The following PRELID2 variants were observed in gnomAD, a reference collection of about 807,000 sequenced individuals.
PRELID2 encodes PRELI domain-containing protein 2.
PRELID2 carries 25 observed loss-of-function variants against 28.4 expected under a neutral mutation model. That is an observed-to-expected ratio of 0.88 (90% CI 0.64 to 1.23). The LOEUF is 1.23. PRELID2 is among the 50% of genes most tolerant of loss of function. PRELID2 has a pLI of 0.00. For synonymous variants in PRELID2, 76 were observed against 71.6 expected, an observed-to-expected ratio of 1.06 and a Z score of -0.31; for missense variants, 201 against 214.4, an observed-to-expected ratio of 0.94 and a Z score of 0.39.
At chr5:145,599,534 C>A (rs760340660) in intron 1 of PRELID2, among the ~76,000 whole-genome samples, 1 of 152,104 alleles carries the variant, frequency 6.6e-6, no homozygotes, top group Non-Finnish European at 1.5e-5. Context: ...CTCATGGTTA[C>A]CCCCTTTTCA....
At chr5:145,252,104 C>T in the PRELID2 span, among the ~76,000 whole-genome samples, 1 of 152,088 alleles carries the variant, frequency 6.6e-6, no homozygotes, top group Non-Finnish European at 1.5e-5. Context: ...CAAAATCTGG[C>T]CAGAAACATT....
the PRELID2 span, among the ~76,000 whole-genome samples, chr5:145,293,772 A>G: frequency 6.6e-6 from 1 of 152,216 alleles, no homozygotes; most frequent in South Asian, 2.1e-4. Flanking sequence ...ATAATAGTGA[A>G]GTTAGATCAA....
At chr5:145,408,438 CAT>C in the PRELID2 span, among the ~76,000 whole-genome samples, 10 of 141,942 alleles carry the variant, frequency 7.0e-5, no homozygotes, top group Non-Finnish European at 1.4e-4. Flanking sequence ...ATATGTATAA[CAT>C]ATATATGTAT....
At chr5:145,568,155 T>C (rs1165744827) in intron 1 of PRELID2, among the ~76,000 whole-genome samples, 1 of 152,208 alleles carries the variant, frequency 6.6e-6, no homozygotes, top group Non-Finnish European at 1.5e-5. Context: ...GCTTAGATAC[T>C]TCTCCTAAAC....
chr5:145,764,840 A>G, intron 6 of PRELID2, 91 bp downstream of exon 6: 1 of 864,408 alleles, frequency 1.2e-6, no homozygotes, highest in South Asian at 1.4e-5. Context: ...TGCAGCGTGA[A>G]TAGCCCAGGG....
intron 1 of PRELID2, among the ~76,000 whole-genome samples, chr5:145,716,375 A>G (rs1755843846): frequency 1.3e-5 from 2 of 152,288 alleles, no homozygotes; most frequent in Admixed American, 1.3e-4. Context: ...TTCACTGAGA[A>G]GAAATCGTGG....
chr5:145,260,337 G>A, the PRELID2 span, among the ~76,000 whole-genome samples: 5 of 152,012 alleles, frequency 3.3e-5, no homozygotes, highest in East Asian at 3.9e-4. Context: ...AGAAATCAAC[G>A]AAACTAAAGA....
At chr5:145,308,913 T>C in the PRELID2 span, among the ~76,000 whole-genome samples, 1 of 152,164 alleles carries the variant, frequency 6.6e-6, no homozygotes, top group African/African-American at 2.4e-5. Context: ...AGAGCAGACA[T>C]TTGCTGTATT....
At chr5:145,777,857 G>A (rs563776996) in intron 5 of PRELID2, among the ~76,000 whole-genome samples, 1 of 152,340 alleles carries the variant, frequency 6.6e-6, no homozygotes, top group Non-Finnish European at 1.5e-5. Flanking sequence ...CACAGGCTTG[G>A]AAGTGCCTGT....
intron 1 of PRELID2, among the ~76,000 whole-genome samples, chr5:145,830,380 A>C (rs747255978): frequency 6.6e-6 from 1 of 152,234 alleles, no homozygotes; most frequent in Non-Finnish European, 1.5e-5. Flanking sequence ...CTTTTTAATG[A>C]GTTTAAATTT....
chr5:145,534,786 TAAC>T (rs1260285721), intron 1 of PRELID2, among the ~76,000 whole-genome samples: 1 of 151,952 alleles, frequency 6.6e-6, no homozygotes, highest in Non-Finnish European at 1.5e-5. Flanking sequence ...GTTGAACATC[TAAC>T]AACCTATAAT....
intron 1 of PRELID2, among the ~76,000 whole-genome samples, chr5:145,545,141 T>C (rs897819564): frequency 6.6e-6 from 1 of 152,188 alleles, no homozygotes; most frequent in African/African-American, 2.4e-5. Flanking sequence ...AGTTACCTTA[T>C]AGGTGAGTAT....
chr5:145,480,988 G>A (rs17103309), intron 1 of PRELID2, among the ~76,000 whole-genome samples: 4,824 of 152,274 alleles, frequency 0.032, 260 homozygotes, highest in African/African-American at 0.11. Context: ...TCTAAGGGAT[G>A]TAACTAGACC....
At chr5:145,822,995 C>A (rs778544773) in intron 2 of PRELID2, 82 bp downstream of exon 2, 4 of 721,366 alleles carry the variant, frequency 5.5e-6, no homozygotes, top group South Asian at 3.6e-5. Context: ...ACCTAATAGG[C>A]CACACACACA....
At chr5:145,489,102 G>A (rs930903190) in intron 1 of PRELID2, among the ~76,000 whole-genome samples, 3 of 152,152 alleles carry the variant, frequency 2.0e-5, no homozygotes, top group African/African-American at 7.2e-5. Context: ...TATGAGTGAT[G>A]GCATCATTCC....
chr5:145,586,117 T>C (rs1446983228), intron 1 of PRELID2, among the ~76,000 whole-genome samples: 3 of 152,020 alleles, frequency 2.0e-5, no homozygotes, highest in African/African-American at 7.2e-5. Flanking sequence ...GAAAAAGTCA[T>C]ATTGAAAAAA....
chr5:145,701,659 T>C (rs935705898), intron 1 of PRELID2, among the ~76,000 whole-genome samples: 1 of 152,210 alleles, frequency 6.6e-6, no homozygotes, highest in Admixed American at 6.5e-5. Flanking sequence ...TAAAAATCAA[T>C]AAATGACCTG....
the PRELID2 span, among the ~76,000 whole-genome samples, chr5:145,321,485 G>A: frequency 6.6e-6 from 1 of 152,094 alleles, no homozygotes; most frequent in Non-Finnish European, 1.5e-5. Context: ...TAAATACTGG[G>A]CCCAGATTAT....
At chr5:145,315,206 A>C in the PRELID2 span, among the ~76,000 whole-genome samples, 253 of 151,234 alleles carry the variant, frequency 1.7e-3, 1 homozygote, top group Admixed American at 4.0e-3. Flanking sequence ...AGTAGCTGGG[A>C]CTACAGGCAC....
Sources: gnomAD v4.1 joint callset for allele counts (sites outside exome capture counted in the v4.1 genomes callset) on GRCh38, gnomAD v4.1.1 for gene constraint, MANE v1.5 for transcripts, NCBI Gene and HGNC (gene_info 2026-07-23, HGNC 2026-07-21) for gene names.